Variants in SEPTIN10 observed in about 807,000 individuals in gnomAD.
SEPTIN10 encodes the protein septin-10.
SEPTIN10 carries 66 observed loss-of-function variants against 54.8 expected under a neutral mutation model. The observed-to-expected ratio is 1.21, with a 90% CI of 0.99 to 1.48. SEPTIN10 has a LOEUF of 1.48. Ranked by LOEUF, SEPTIN10 falls within the 40% of genes most tolerant of loss-of-function variation. The pLI is 0.00. For missense variants in SEPTIN10, 620 were observed against 545.6 expected (o/e 1.14, Z -1.36); for synonymous variants, 161 against 181.0 (o/e 0.89, Z 0.89).
chr2:109,593,342 T>C (rs766606434), intron 1 of SEPTIN10, among the ~76,000 whole-genome samples: 5 of 151,990 alleles, frequency 3.3e-5, no homozygotes, highest in Non-Finnish European at 2.9e-5. Context: ...TATACAGTAA[T>C]ATACTTGCAC....
chr2:109,584,493 A>T (rs1692000929), intron 4 of SEPTIN10, among the ~76,000 whole-genome samples: 1 of 151,714 alleles, frequency 6.6e-6, no homozygotes, highest in Non-Finnish European at 1.5e-5. Flanking sequence ...AAAAAAAAAA[A>T]AAAATTGAAA....
intron 1 of SEPTIN10, among the ~76,000 whole-genome samples, chr2:109,609,675 G>A (rs1167048813): frequency 1.3e-5 from 2 of 149,306 alleles, no homozygotes; most frequent in Admixed American, 6.6e-5. Flanking sequence ...AAGACAGAAA[G>A]TAAAACAAAT....
At chr2:109,588,215 G>A (rs150828328) in intron 2 of SEPTIN10, among the ~76,000 whole-genome samples, 1 of 152,124 alleles carries the variant, frequency 6.6e-6, no homozygotes, top group Non-Finnish European at 1.5e-5. Flanking sequence ...AAAATCCACT[G>A]CCAGTTGGCC....
At chr2:109,545,410 T>G in intron 10 of SEPTIN10, 3 of 1,535,846 alleles carry the variant, frequency 2.0e-6, no homozygotes, top group Non-Finnish European at 2.6e-6. Flanking sequence ...CTTGCGATTA[T>G]CATCCACATG....
intron 1 of SEPTIN10, among the ~76,000 whole-genome samples, chr2:109,610,806 T>C (rs569605185): frequency 2.8e-4 from 42 of 152,160 alleles, no homozygotes; most frequent in Admixed American, 2.4e-3. Flanking sequence ...TAAATCGATA[T>C]AAACATTTAA....
At chr2:109,544,709 A>G (rs1680728699) in intron 10 of SEPTIN10, 1 of 849,394 alleles carries the variant, frequency 1.2e-6, no homozygotes, top group South Asian at 5.4e-5. Context: ...CATGTTGAAA[A>G]GCAGTAATAA....
At chr2:109,605,595 G>C (rs1407267551) in intron 1 of SEPTIN10, 1 of 152,104 alleles carries the variant, frequency 6.6e-6, no homozygotes, top group Non-Finnish European at 1.5e-5. Context: ...AAGCTAATCA[G>C]AATACCTGAG....
chr2:109,612,309 G>C (rs1180934505), intron 1 of SEPTIN10, among the ~76,000 whole-genome samples: 2 of 152,182 alleles, frequency 1.3e-5, no homozygotes, highest in Non-Finnish European at 2.9e-5. Context: ...GAAGGAGGCA[G>C]GGCAGGAAAG....
chr2:109,610,566 A>C (rs1699041247), intron 1 of SEPTIN10, among the ~76,000 whole-genome samples: 1 of 152,046 alleles, frequency 6.6e-6, no homozygotes, highest in Non-Finnish European at 1.5e-5. Context: ...AATACAAAAA[A>C]TTAGCCGGGC....
rs1383768063 is a variant in SEPTIN10 at position 109,543,797 on chromosome 2, G to A, written c.*512C>T. 2 of 209,346 alleles carry A rather than the reference G, an allele frequency of 9.6e-6. No homozygotes were observed. The highest frequency in any genetic ancestry group is 5.6e-5 in the Admixed American group (1 of 17,760). The allele number at this position is 209,346 out of a possible 1,614,324, so 13.0% of individuals were successfully genotyped here. ...AACAGTGAATATATATGAATATATA[G>A]GTACAAGCTGAGTATCCCTTATCCA... On this transcript the variant is annotated 3_prime_UTR_variant, in exon 11 of 11. Transcript: ENST00000397712.
chr2:109,600,768 C>T (rs904088328), intron 1 of SEPTIN10, among the ~76,000 whole-genome samples: 49 of 152,228 alleles, frequency 3.2e-4, no homozygotes, highest in Admixed American at 1.3e-4. Flanking sequence ...CCCACTCCAC[C>T]TCTGCTCATC....
chr2:109,570,757 C>T (rs1487705675), intron 5 of SEPTIN10, among the ~76,000 whole-genome samples: 1 of 152,048 alleles, frequency 6.6e-6, no homozygotes, highest in Non-Finnish European at 1.5e-5. Flanking sequence ...CTCCTGACCT[C>T]GTGATCCACC....
At chr2:109,558,892 C>CT (rs148332223) in intron 8 of SEPTIN10, among the ~76,000 whole-genome samples, 24,799 of 147,668 alleles carry the variant, frequency 0.17, 2,446 homozygotes, top group African/African-American at 0.29. Flanking sequence ...GATATAAATT[C>CT]TTTTTTTTTT....
intron 1 of SEPTIN10, among the ~76,000 whole-genome samples, chr2:109,607,753 C>A (rs940065956): frequency 3.9e-5 from 6 of 152,270 alleles, no homozygotes; most frequent in Admixed American, 2.6e-4. Context: ...TGACTTCTCA[C>A]CCAACCTGCC....
chr2:109,590,041 CAT>C (rs529621068), intron 2 of SEPTIN10, among the ~76,000 whole-genome samples: 6,257 of 148,784 alleles, frequency 0.042, 395 homozygotes, highest in African/African-American at 0.14. Flanking sequence ...TATATACACA[CAT>C]ATATATGTGT....
chr2:109,580,349 CAA>C (rs3058505), intron 4 of SEPTIN10, among the ~76,000 whole-genome samples: 34,941 of 135,794 alleles, frequency 0.26, 4,344 homozygotes, highest in South Asian at 0.29. Context: ...CCATAAAATG[CAA>C]AAAAAAAAAA....
intron 1 of SEPTIN10, among the ~76,000 whole-genome samples, chr2:109,601,716 G>T (rs867357012): frequency 6.6e-6 from 1 of 150,996 alleles, no homozygotes; most frequent in African/African-American, 2.4e-5. Flanking sequence ...TTTCTTTACG[G>T]CTTCTTCCTT....
chr2:109,598,659 A>G (rs1463077989), intron 1 of SEPTIN10, among the ~76,000 whole-genome samples: 1 of 152,074 alleles, frequency 6.6e-6, no homozygotes. Context: ...CCTGGCCAAC[A>G]TGGTGAAACC....
intron 7 of SEPTIN10, 103 bp downstream of exon 7, chr2:109,565,660 A>G: frequency 9.8e-7 from 1 of 1,016,902 alleles, no homozygotes; most frequent in Admixed American, 1.8e-5. Flanking sequence ...TCCTCTGACA[A>G]CCAATCACAT....
Sources: gnomAD v4.1 joint callset for allele counts (sites outside exome capture counted in the v4.1 genomes callset) on GRCh38, gnomAD v4.1.1 for gene constraint, MANE v1.5 for transcripts, NCBI Gene and HGNC (gene_info 2026-07-23, HGNC 2026-07-21) for gene names.